Variants in TRHDE observed in about 807,000 individuals in gnomAD.
The protein encoded by TRHDE is thyrotropin-releasing hormone-degrading ectoenzyme.
Under a neutral mutation model 125.7 loss-of-function variants are expected in TRHDE, and 72 were observed. That is an observed-to-expected ratio of 0.57 (90% CI 0.47 to 0.70). The LOEUF (loss-of-function observed/expected upper bound fraction) is 0.70, where lower values mean the gene tolerates loss of function less well. Among genes scored for constraint, TRHDE ranks in the 30% least tolerant of loss-of-function variants. The pLI, the probability that TRHDE is intolerant of heterozygous loss-of-function variation, is 0.00. For synonymous variants in TRHDE, 509 were observed against 509.1 expected (o/e 1.00, Z 0.00); for missense variants, 1,110 against 1,327.1 (o/e 0.84, Z 2.54).
intron 6 of TRHDE, among the ~76,000 whole-genome samples, chr12:72,503,149 C>A (rs1322406778): frequency 6.6e-6 from 1 of 152,034 alleles, no homozygotes; most frequent in African/African-American, 2.4e-5. Context: ...ATAATAACTG[C>A]TAACATTTAT....
At chr12:72,348,660 C>T (rs1406915191) in intron 2 of TRHDE, among the ~76,000 whole-genome samples, 2 of 151,968 alleles carry the variant, frequency 1.3e-5, no homozygotes, top group South Asian at 2.1e-4. Context: ...TGGAATGCTT[C>T]ATATCAAATC....
intron 2 of TRHDE, among the ~76,000 whole-genome samples, chr12:72,163,346 A>G (rs1204573832): frequency 2.6e-5 from 4 of 152,126 alleles, no homozygotes; most frequent in East Asian, 1.9e-4. Context: ...GTTCCTCTCA[A>G]AGGGATGACG....
In TRHDE at chr12:72,663,160, C is replaced by A. The variant is rs145259841; in HGVS notation, c.3175C>A (p.Leu1059Ile). The A allele has an allele frequency of 1.7e-5, 27 of 1,612,630 alleles. No homozygotes were observed. The highest frequency in any genetic ancestry group is 2.2e-5 in the Non-Finnish European group (26 of 1,179,316). ...CTGGAAAATGCTTTACCAAGACGAG[C>A]TTTTCCAATGGTTAGGAAAAGCTCT... The part of the protein sequence containing the change: ...VRWKMLYQDE[L>I]FQWLGKALRH Residue 1059 changes from leucine (L) to isoleucine (I), a missense_variant, in exon 19 of 19, where the codon CTT (leucine) becomes ATT (isoleucine). Coordinates refer to ENST00000261180, the MANE Select transcript of TRHDE (RefSeq NM_013381.3).
intron 2 of TRHDE, among the ~76,000 whole-genome samples, chr12:72,342,393 ATGG>A (rs539414048): frequency 5.0e-4 from 76 of 152,214 alleles, no homozygotes; most frequent in African/African-American, 1.7e-3. Context: ...AGAAAACAGA[ATGG>A]GTTTTCAAGA....
At chr12:72,533,723 G>GTTTTTTTTTTTTTTTCTTTTTT in intron 6 of TRHDE, among the ~76,000 whole-genome samples, 16 of 97,900 alleles carry the variant, frequency 1.6e-4, no homozygotes, top group East Asian at 2.8e-4. Context: ...TTTTCTATTT[G>GTTTTTTTTTTTTTTTCTTTTTT]TTTTTTTTTT....
intron 12 of TRHDE, among the ~76,000 whole-genome samples, chr12:72,616,902 A>C (rs980924153): frequency 6.6e-6 from 1 of 152,134 alleles, no homozygotes; most frequent in Non-Finnish European, 1.5e-5. Flanking sequence ...AAAGTTCCAG[A>C]GAGACAAATT....
chr12:72,380,733 TG>T (rs1479576613), intron 3 of TRHDE, among the ~76,000 whole-genome samples: 11 of 111,756 alleles, frequency 9.8e-5, no homozygotes, highest in African/African-American at 2.9e-4. Context: ...CTTCCTTCCT[TG>T]CTTCCTTCCT....
At chr12:72,226,802 C>T (rs1038391347) in intron 2 of TRHDE, among the ~76,000 whole-genome samples, 7 of 152,146 alleles carry the variant, frequency 4.6e-5, no homozygotes, top group African/African-American at 1.7e-4. Context: ...ATTGAACTGG[C>T]ACATGGCTGA....
intron 2 of TRHDE, among the ~76,000 whole-genome samples, chr12:72,248,096 G>T (rs1387448573): frequency 1.3e-5 from 2 of 152,108 alleles, no homozygotes; most frequent in Non-Finnish European, 2.9e-5. Flanking sequence ...CACATATACA[G>T]CTAATGGAAT....
At chr12:72,519,752 G>C (rs1260262453) in intron 6 of TRHDE, among the ~76,000 whole-genome samples, 1 of 152,158 alleles carries the variant, frequency 6.6e-6, no homozygotes, top group Non-Finnish European at 1.5e-5. Flanking sequence ...TTTCTGTTCT[G>C]TTTTTTCCCC....
intron 2 of TRHDE, among the ~76,000 whole-genome samples, chr12:72,192,977 T>C (rs1367219870): frequency 1.3e-5 from 2 of 152,050 alleles, no homozygotes; most frequent in Non-Finnish European, 2.9e-5. Flanking sequence ...AATAAGAAGC[T>C]GATAATTGCA....
chr12:72,542,974 T>C (rs1869229541), intron 7 of TRHDE, among the ~76,000 whole-genome samples: 1 of 151,346 alleles, frequency 6.6e-6, no homozygotes, highest in Non-Finnish European at 1.5e-5. Flanking sequence ...GACACAAGTA[T>C]ACTGAAAAAA....
At chr12:72,612,369 T>C (rs1265115336) in intron 12 of TRHDE, among the ~76,000 whole-genome samples, 1 of 152,160 alleles carries the variant, frequency 6.6e-6, no homozygotes, top group Non-Finnish European at 1.5e-5. Flanking sequence ...TTAAGTCTAA[T>C]GTGATAAATT....
At chr12:72,473,947 A>G (rs532950985) in intron 5 of TRHDE, among the ~76,000 whole-genome samples, 57 of 152,120 alleles carry the variant, frequency 3.7e-4, no homozygotes, top group Non-Finnish European at 6.0e-4. Flanking sequence ...CAATGTACCA[A>G]TACTTATCAA....
chr12:72,109,995 A>AT (rs112420340), intron 2 of TRHDE, among the ~76,000 whole-genome samples: 1,807 of 152,168 alleles, frequency 0.012, 41 homozygotes, highest in African/African-American at 0.041. Context: ...GGGTCAAATA[A>AT]TTTTTGAAAC....
At chr12:72,445,531 A>G (rs1197972121) in intron 3 of TRHDE, among the ~76,000 whole-genome samples, 1 of 151,822 alleles carries the variant, frequency 6.6e-6, no homozygotes, top group African/African-American at 2.4e-5. Flanking sequence ...CCTAACATTT[A>G]TTTTTGTTGC....
intron 16 of TRHDE, 107 bp from the exon 17 acceptor site, chr12:72,652,909 A>G (rs1468172042): frequency 4.8e-6 from 4 of 826,482 alleles, no homozygotes; most frequent in Admixed American, 3.0e-5. Context: ...ATTGCACTAG[A>G]CTATTCTTTT....
At position 72,561,751 on chromosome 12, in the gene TRHDE, A is replaced by G. The variant is rs529962885; in HGVS notation, c.1789-414A>G. 2.0e-3 allele frequency among the ~76,000 whole-genome samples: 307 copies of G among 152,336 alleles called. 2 individuals carry two copies. Among genetic ancestry groups the G allele is most frequent in the African/African-American group, 6.9e-3 (288 of 41,582 alleles). On this transcript the variant is annotated intron_variant, in intron 7 of 18. Coordinates refer to ENST00000261180, the MANE Select transcript of TRHDE (RefSeq NM_013381.3). Reference sequence around the variant, plus strand: ...TTTTGGCAAAGCAATCCCTCTTAACATCAGCATATATTAGCTCTTTCTTTT... The same window carrying G: ...TTTTGGCAAAGCAATCCCTCTTAACGTCAGCATATATTAGCTCTTTCTTTT...
At chr12:72,459,919 G>T (rs920180789) in intron 3 of TRHDE, among the ~76,000 whole-genome samples, 1 of 152,116 alleles carries the variant, frequency 6.6e-6, no homozygotes, top group African/African-American at 2.4e-5. Flanking sequence ...TGTCCTGCTG[G>T]TATCATCAAT....
Sources: allele counts gnomAD v4.1 joint callset (sites outside exome capture counted in the v4.1 genomes callset), GRCh38; gene constraint gnomAD v4.1.1; transcripts MANE v1.5; gene names NCBI Gene and HGNC (gene_info 2026-07-23, HGNC 2026-07-21).